SORCS1: variants seen among roughly 807,000 people sequenced by gnomAD.
SORCS1 encodes the protein VPS10 domain-containing receptor SorCS1.
A neutral mutation model predicts 146.1 loss-of-function variants in SORCS1; 60 were observed. The observed-to-expected ratio is 0.41, with a 90% CI of 0.33 to 0.51. The LOEUF (loss-of-function observed/expected upper bound fraction) is 0.51. SORCS1 is among the 20% of genes least tolerant of loss of function. The pLI, the probability that SORCS1 is intolerant of heterozygous loss-of-function variation, is 0.21. For synonymous variants in SORCS1, 637 were observed against 584.0 expected (o/e 1.09, Z -1.31); for missense variants, 1,352 against 1,487.6 (o/e 0.91, Z 1.50).
At chr10:106,684,379 A>G (rs1852665069) in intron 10 of SORCS1, among the ~76,000 whole-genome samples, 1 of 152,124 alleles carries the variant, frequency 6.6e-6, no homozygotes, top group Admixed American at 6.6e-5. Context: ...ATGAATCCAC[A>G]AAGTCAGCGC....
chr10:107,148,816 T>C (rs7912765), intron 1 of SORCS1, among the ~76,000 whole-genome samples: 14,996 of 152,224 alleles, frequency 0.099, 807 homozygotes, highest in African/African-American at 0.15. Context: ...GCTTAGGTGA[T>C]TGGAAGGGAG....
chr10:107,117,850 T>C (rs537073871), intron 1 of SORCS1, among the ~76,000 whole-genome samples: 9 of 152,314 alleles, frequency 5.9e-5, no homozygotes, highest in Non-Finnish European at 1.0e-4. Flanking sequence ...CAGTGACTCA[T>C]ACCTCGAGTC....
intron 18 of SORCS1, among the ~76,000 whole-genome samples, chr10:106,632,546 C>T (rs544865505): frequency 3.9e-5 from 6 of 152,286 alleles, no homozygotes; most frequent in East Asian, 1.9e-4. Flanking sequence ...CTCACCCTAC[C>T]GGCGCTCTGG....
At chr10:106,793,685 G>C (rs1353481839) in intron 3 of SORCS1, among the ~76,000 whole-genome samples, 2 of 152,148 alleles carry the variant, frequency 1.3e-5, no homozygotes, top group Admixed American at 1.3e-4. Context: ...AATCCAGGCA[G>C]ATGACCAGTT....
intron 2 of SORCS1, among the ~76,000 whole-genome samples, chr10:106,938,848 G>C (rs1214394009): frequency 6.6e-6 from 1 of 152,286 alleles, no homozygotes; most frequent in Admixed American, 6.6e-5. Context: ...TGCAGCACTT[G>C]GTGTCAGCAA....
At chr10:106,612,651 G>C (rs1035989226) in intron 21 of SORCS1, among the ~76,000 whole-genome samples, 1 of 152,010 alleles carries the variant, frequency 6.6e-6, no homozygotes, top group Non-Finnish European at 1.5e-5. Flanking sequence ...GCAGGGAATT[G>C]CCATGTTTGG....
intron 3 of SORCS1, among the ~76,000 whole-genome samples, chr10:106,781,736 C>T (rs1459536739): frequency 6.6e-6 from 1 of 152,164 alleles, no homozygotes; most frequent in Non-Finnish European, 1.5e-5. Context: ...GGGCTGAGTA[C>T]TTATCCTTCC....
intron 2 of SORCS1, among the ~76,000 whole-genome samples, chr10:106,863,066 T>C (rs1174858797): frequency 6.6e-6 from 1 of 151,936 alleles, no homozygotes; most frequent in Non-Finnish European, 1.5e-5. Context: ...AGAAGTTGAT[T>C]TCCCCCCAAA....
chr10:106,680,443 C>T (rs1423861497), intron 10 of SORCS1, among the ~76,000 whole-genome samples: 2 of 152,130 alleles, frequency 1.3e-5, no homozygotes, highest in Non-Finnish European at 2.9e-5. Flanking sequence ...GTGAAATTAT[C>T]CAAATACCCG....
At chr10:106,586,982 GCTGCA>G (rs1475113930) in intron 24 of SORCS1, among the ~76,000 whole-genome samples, 1 of 152,104 alleles carries the variant, frequency 6.6e-6, no homozygotes, top group Non-Finnish European at 1.5e-5. Context: ...CAACCTCATT[GCTGCA>G]CGCTGGTAGG....
chr10:106,798,690 T>A lies in SORCS1; in HGVS notation c.727-21998A>T, dbSNP rs1455764533. On this transcript the variant is annotated intron_variant, in intron 3 of 25. Coordinates refer to ENST00000263054, the MANE Select transcript of SORCS1 (RefSeq NM_052918.5). ...ATTTTCTTAATCCAGTCTATCATTG[T>A]TGGACATTTGGGTTGGTTCCAAGTC... Among the ~76,000 whole-genome samples the A allele has an allele frequency of 2.0e-5, 3 of 152,222 alleles. No individual in the cohort carries two copies. The East Asian group carries it at 5.8e-4, about 29-fold the overall frequency.
intron 1 of SORCS1, among the ~76,000 whole-genome samples, chr10:107,010,274 A>G (rs1011604608): frequency 6.6e-6 from 1 of 152,188 alleles, no homozygotes; most frequent in African/African-American, 2.4e-5. Context: ...TTCATTTATA[A>G]AATTGGTTCC....
chr10:106,596,234 C>T (rs1845896984), intron 24 of SORCS1, among the ~76,000 whole-genome samples: 1 of 152,168 alleles, frequency 6.6e-6, no homozygotes, highest in African/African-American at 2.4e-5. Flanking sequence ...CTTCCCATCC[C>T]ACAGTACCAC....
chr10:106,644,612 G>A (rs866089219), intron 18 of SORCS1, among the ~76,000 whole-genome samples: 7 of 152,202 alleles, frequency 4.6e-5, no homozygotes, highest in African/African-American at 1.2e-4. Flanking sequence ...TGTTCTGCCC[G>A]CCTTGGCCTC....
intron 6 of SORCS1, among the ~76,000 whole-genome samples, chr10:106,721,852 G>A (rs148371688): frequency 4.4e-4 from 67 of 152,256 alleles, no homozygotes; most frequent in African/African-American, 1.6e-3. Flanking sequence ...CCAGAGGTCT[G>A]TATATCTACA....
At chr10:107,042,697 C>T (rs1385381107) in intron 1 of SORCS1, among the ~76,000 whole-genome samples, 1 of 151,784 alleles carries the variant, frequency 6.6e-6, no homozygotes. Flanking sequence ...GCAACCTCCG[C>T]CTCCTGGGTT....
intron 5 of SORCS1, among the ~76,000 whole-genome samples, chr10:106,734,919 G>A (rs148014150): frequency 0.017 from 2,567 of 152,096 alleles, 38 homozygotes; most frequent in Non-Finnish European, 0.025. Context: ...CCTATAATCC[G>A]AGGATCACCT....
At chr10:106,896,663 G>T (rs916383299) in intron 2 of SORCS1, among the ~76,000 whole-genome samples, 1 of 151,446 alleles carries the variant, frequency 6.6e-6, no homozygotes, top group African/African-American at 2.4e-5. Context: ...TTTTTACATT[G>T]TTTTACAAAA....
chr10:106,730,727 A>G (rs1218517498), intron 5 of SORCS1, among the ~76,000 whole-genome samples: 1 of 152,214 alleles, frequency 6.6e-6, no homozygotes, highest in Admixed American at 6.5e-5. Context: ...TTGGAGACAC[A>G]TATTATTTTG....
Sources: gnomAD v4.1 joint callset for allele counts (sites outside exome capture counted in the v4.1 genomes callset) on GRCh38, gnomAD v4.1.1 for gene constraint, MANE v1.5 for transcripts, NCBI Gene and HGNC (gene_info 2026-07-23, HGNC 2026-07-21) for gene names.